The following TCAF1 variants were observed in gnomAD, a reference collection of about 807,000 sequenced individuals.
TCAF1 encodes the protein TRPM8 channel-associated factor 1.
In TCAF1, 4 loss-of-function variants were observed where a neutral mutation model predicts 27.3. The ratio of observed to expected loss-of-function variants is 0.15; its 90% CI spans 0.07 to 0.34. The LOEUF (loss-of-function observed/expected upper bound fraction) is 0.34. Ranked by LOEUF, TCAF1 falls within the 10% of genes least tolerant of loss-of-function variation. The pLI is 1.00. For missense variants in TCAF1, 257 were observed against 425.8 expected, an observed-to-expected ratio of 0.60 and a Z score of 3.49; for synonymous variants, 105 against 167.1, an observed-to-expected ratio of 0.63 and a Z score of 2.87.
intron 2 of TCAF1, among the ~76,000 whole-genome samples, chr7:143,864,801 AT>A (rs1812092854): frequency 9.5e-6 from 1 of 105,620 alleles, no homozygotes; most frequent in African/African-American, 3.5e-5. Flanking sequence ...CACCATACTA[AT>A]TGGTGGATGA....
At chr7:143,877,033 A>C (rs547858967) in intron 1 of TCAF1, among the ~76,000 whole-genome samples, 1 of 152,346 alleles carries the variant, frequency 6.6e-6, no homozygotes, top group Non-Finnish European at 1.5e-5. Flanking sequence ...TCCTTGTAAG[A>C]GGACATTTGG....
intron 1 of TCAF1, among the ~76,000 whole-genome samples, chr7:143,879,099 G>A (rs531634229): frequency 1.7e-4 from 26 of 152,148 alleles, no homozygotes; most frequent in Non-Finnish European, 3.1e-4. Flanking sequence ...TCTGCCAGGC[G>A]CCCTTGGACA....
intron 6 of TCAF1, among the ~76,000 whole-genome samples, chr7:143,859,624 C>A (rs1372417383): frequency 1.5e-5 from 2 of 136,254 alleles, no homozygotes; most frequent in African/African-American, 5.5e-5. Context: ...AGAGAAATTC[C>A]CATGGTTCTT....
chr7:143,895,023 A>G (rs1813808287), intron 1 of TCAF1, among the ~76,000 whole-genome samples: 1 of 148,346 alleles, frequency 6.7e-6, no homozygotes, highest in African/African-American at 2.6e-5. Context: ...TAAAACCATA[A>G]TAAGATACCT....
chr7:143,882,052 G>A (rs929077813), intron 1 of TCAF1: 17 of 152,282 alleles, frequency 1.1e-4, no homozygotes, highest in African/African-American at 4.1e-4. Context: ...TCAGCTTGGA[G>A]TCTGGCGGGG....
chr7:143,898,904 G>A (rs1814003263), intron 1 of TCAF1, among the ~76,000 whole-genome samples: 1 of 152,114 alleles, frequency 6.6e-6, no homozygotes, highest in Admixed American at 6.6e-5. Context: ...GTAGGAGTGA[G>A]TTCATTATAA....
chr7:143,887,071 A>G (rs1041414148), intron 1 of TCAF1, among the ~76,000 whole-genome samples: 2 of 151,926 alleles, frequency 1.3e-5, no homozygotes, highest in African/African-American at 2.4e-5. Context: ...ATTATAAGCT[A>G]AATTTTAAAT....
In TCAF1 at chr7:143,876,264, C is replaced by T; in HGVS notation, c.345G>A (p.Glu115=). 1 of 1,614,230 alleles carries T rather than the reference C, an allele frequency of 6.2e-7. No individual in the cohort carries two copies. The highest frequency in any genetic ancestry group is 8.5e-7 in the Non-Finnish European group (1 of 1,180,038). ...CCCCCAGGGAGTCTTTCACTTCTGG[C>T]TCAACCTTTGCATCCACTCCAGAGC... ...LEGSGVDAKV[E]PEVKDSLGVY... Residue 115 remains glutamate (E), a synonymous_variant, in exon 2 of 9, where the codon GAG becomes GAA. Transcript: ENST00000479870.
At chr7:143,886,587 C>CA (rs533649590) in intron 1 of TCAF1, 2 of 949,626 alleles carry the variant, frequency 2.1e-6, no homozygotes, top group Non-Finnish European at 2.5e-6. Context: ...GATCATTCCT[C>CA]AAAAAAACAA....
intron 1 of TCAF1, chr7:143,882,904 T>C: frequency 2.1e-6 from 2 of 970,118 alleles, no homozygotes; most frequent in Non-Finnish European, 1.2e-6. Flanking sequence ...TCCACGGGAG[T>C]CCCCTCCTCC....
intron 1 of TCAF1, among the ~76,000 whole-genome samples, chr7:143,892,919 GT>G (rs749256670): frequency 2.0e-5 from 3 of 152,172 alleles, no homozygotes; most frequent in Non-Finnish European, 4.4e-5. Flanking sequence ...ATCTTTAAAT[GT>G]TTGTTGTTTA....
intron 6 of TCAF1, among the ~76,000 whole-genome samples, chr7:143,859,910 ATT>A (rs1491108927): frequency 3.4e-5 from 2 of 58,244 alleles, no homozygotes; most frequent in African/African-American, 6.9e-5. Flanking sequence ...TATAATATAT[ATT>A]ACGGAATATA....
chr7:143,886,855 G>T (rs6953664), intron 1 of TCAF1, among the ~76,000 whole-genome samples: 1 of 148,620 alleles, frequency 6.7e-6, no homozygotes, highest in Non-Finnish European at 1.5e-5. Flanking sequence ...TCATGCCCAG[G>T]GAGTTTTTGT....
chr7:143,882,654 C>A, intron 1 of TCAF1: 1 of 983,700 alleles, frequency 1.0e-6, no homozygotes, highest in Non-Finnish European at 1.2e-6. Context: ...CCGCCCTGCC[C>A]TCCCCCCCGC....
At chr7:143,877,153 G>T (rs892157775) in intron 1 of TCAF1, among the ~76,000 whole-genome samples, 1 of 152,178 alleles carries the variant, frequency 6.6e-6, no homozygotes, top group Non-Finnish European at 1.5e-5. Flanking sequence ...TAAGTGAGAG[G>T]CCGGGAACAG....
rs1231608731 is a variant in TCAF1 at position 143,859,968 on chromosome 7, TATATA to T, written c.2167+235_2167+239del. ...ATAATATATATTACGGAATATATATTATATAATATATATTATATAATATATATTAT... is the reference window on the plus strand; with the variant it reads ...ATAATATATATTACGGAATATATATTATATATATTATATAATATATATTAT... On this transcript the variant is annotated intron_variant, in intron 6 of 8. Transcript: ENST00000479870. Among the ~76,000 whole-genome samples, 5 of 36,654 alleles carry T rather than the reference TATATA, an allele frequency of 1.4e-4. 1 individual carries two copies. Among genetic ancestry groups the T allele is most frequent in the Admixed American group, 6.7e-4 (1 of 1,484 alleles). The allele number at this position is 36,654 out of a possible 152,430, so 24.0% of individuals were successfully genotyped here.
intron 1 of TCAF1, chr7:143,882,364 C>T: frequency 1.0e-6 from 1 of 984,576 alleles, no homozygotes; most frequent in Non-Finnish European, 1.2e-6. Context: ...CCTGCTCAAG[C>T]CCCGGGCCTT....
chr7:143,882,955 C>A, intron 1 of TCAF1: 2 of 859,068 alleles, frequency 2.3e-6, no homozygotes, highest in Non-Finnish European at 1.4e-6. Flanking sequence ...CAGGGGGCGG[C>A]GCTTGGCGGG....
chr7:143,881,518 C>G (rs1205141281), intron 1 of TCAF1, among the ~76,000 whole-genome samples: 1 of 152,106 alleles, frequency 6.6e-6, no homozygotes, highest in Non-Finnish European at 1.5e-5. Context: ...CCAGCTCAGT[C>G]TTATTTTTCA....
Sources: allele counts gnomAD v4.1 joint callset (sites outside exome capture counted in the v4.1 genomes callset), GRCh38; gene constraint gnomAD v4.1.1; transcripts MANE v1.5; gene names NCBI Gene and HGNC (gene_info 2026-07-23, HGNC 2026-07-21).